Variants in CNOT6 observed in about 807,000 individuals in gnomAD.
The protein encoded by CNOT6 is CCR4-NOT transcription complex subunit 6, also known as carbon catabolite repression 4 protein.
In CNOT6, 12 loss-of-function variants were observed where a neutral mutation model predicts 61.2. The observed-to-expected ratio is 0.20, with a 90% CI of 0.13 to 0.32. The LOEUF (loss-of-function observed/expected upper bound fraction) is 0.32, where lower values mean the gene tolerates loss of function less well. Among genes scored for constraint, CNOT6 ranks in the 10% least tolerant of loss-of-function variants. The pLI is 1.00. For missense variants in CNOT6, 405 were observed against 663.9 expected (o/e 0.61, Z 4.28); for synonymous variants, 225 against 240.6 (o/e 0.94, Z 0.60).
intron 1 of CNOT6, among the ~76,000 whole-genome samples, chr5:180,519,778 T>TA (rs35164890): frequency 6.7e-6 from 1 of 148,610 alleles, no homozygotes; most frequent in African/African-American, 2.5e-5. Context: ...TTTTTTTTTT[T>TA]ATTGTTCAGT....
chr5:180,550,137 T>TAA lies in CNOT6; in HGVS notation c.299+21_299+22insAA. ...ACTCAGGTATGCAGATTCAACTTAATACATACTAGCTATATGACCCCTAAA... is the reference window on the plus strand; with the variant it reads ...ACTCAGGTATGCAGATTCAACTTAATAAACATACTAGCTATATGACCCCTAAA... On this transcript the variant is annotated intron_variant, in intron 3 of 11. Coordinates refer to ENST00000261951, the MANE Select transcript of CNOT6 (RefSeq NM_001370472.1). The TAA allele has an allele frequency of 1.2e-6, 2 of 1,602,522 alleles. No individual in the cohort carries two copies. The highest frequency in any genetic ancestry group is 2.2e-5 in the South Asian group (2 of 90,790).
At chr5:180,551,037 T>A (rs1759570141) in intron 3 of CNOT6, among the ~76,000 whole-genome samples, 1 of 152,122 alleles carries the variant, frequency 6.6e-6, no homozygotes, top group African/African-American at 2.4e-5. Flanking sequence ...TGGCATATAC[T>A]GTGTTTTAAG....
intron 1 of CNOT6, among the ~76,000 whole-genome samples, chr5:180,503,585 C>CACT (rs1238732800): frequency 7.0e-6 from 1 of 142,224 alleles, no homozygotes; most frequent in African/African-American, 2.6e-5. Flanking sequence ...TTCTTACTGA[C>CACT]ACTGTGCCCT....
intron 4 of CNOT6, among the ~76,000 whole-genome samples, chr5:180,560,964 A>G (rs3055669): frequency 7.2e-5 from 11 of 151,916 alleles, no homozygotes; most frequent in Admixed American, 1.3e-4. Flanking sequence ...CTATCTATCA[A>G]TCAATCAGTC....
At chr5:180,552,645 C>CAAA (rs372136116) in intron 3 of CNOT6, among the ~76,000 whole-genome samples, 12 of 134,654 alleles carry the variant, frequency 8.9e-5, no homozygotes, top group East Asian at 2.3e-4. Context: ...GACTCCGTCT[C>CAAA]AAAAAAAAAA....
intron 2 of CNOT6, among the ~76,000 whole-genome samples, chr5:180,536,674 C>T (rs1758716139): frequency 6.6e-6 from 1 of 152,094 alleles, no homozygotes; most frequent in Admixed American, 6.6e-5. Flanking sequence ...GCAGTGATGC[C>T]ATCTCGGCTC....
intron 1 of CNOT6, among the ~76,000 whole-genome samples, chr5:180,496,745 C>T (rs1428616956): frequency 2.0e-5 from 3 of 152,102 alleles, no homozygotes; most frequent in South Asian, 2.1e-4. Context: ...AAAACGGTGA[C>T]GAAAGACAGA....
chr5:180,571,483 G>T, intron 11 of CNOT6, 51 bp downstream of exon 11: 1 of 1,269,168 alleles, frequency 7.9e-7, no homozygotes, highest in Non-Finnish European at 1.1e-6. Flanking sequence ...ACTGGCAGGT[G>T]TTCTGATACA....
chr5:180,494,804 C>G (rs1306827251), intron 1 of CNOT6, 41 bp downstream of exon 1: 1 of 151,974 alleles, frequency 6.6e-6, no homozygotes, highest in Non-Finnish European at 1.5e-5. Flanking sequence ...GGCGCCGCTC[C>G]TCTCTCCGGC....
chr5:180,532,078 G>A (rs1472124268), intron 2 of CNOT6, among the ~76,000 whole-genome samples: 1 of 152,188 alleles, frequency 6.6e-6, no homozygotes, highest in Non-Finnish European at 1.5e-5. Flanking sequence ...CATGGAGAGT[G>A]AAATTTCTCT....
intron 1 of CNOT6, among the ~76,000 whole-genome samples, chr5:180,496,948 C>G (rs1195452013): frequency 6.6e-6 from 1 of 152,166 alleles, no homozygotes. Flanking sequence ...TTTGAGCAGA[C>G]ATAAGGTTGG....
chr5:180,501,140 C>G (rs975691885), intron 1 of CNOT6, among the ~76,000 whole-genome samples: 3 of 152,008 alleles, frequency 2.0e-5, no homozygotes, highest in Non-Finnish European at 4.4e-5. Flanking sequence ...TATGGGTGAG[C>G]AAGTGGTTCA....
chr5:180,552,451 C>T (rs937054691), intron 3 of CNOT6, among the ~76,000 whole-genome samples: 118 of 151,680 alleles, frequency 7.8e-4, no homozygotes, highest in African/African-American at 2.8e-3. Context: ...ACCATCCTGG[C>T]TAACACGGTG....
intron 9 of CNOT6, 95 bp downstream of exon 9, chr5:180,568,098 T>C: frequency 7.9e-7 from 1 of 1,260,906 alleles, no homozygotes; most frequent in Non-Finnish European, 1.1e-6. Context: ...TTCATGGTCT[T>C]GTCTAACACC....
intron 3 of CNOT6, 75 bp downstream of exon 3, chr5:180,550,192 T>C: frequency 2.5e-6 from 3 of 1,178,454 alleles, no homozygotes; most frequent in South Asian, 1.4e-5. Context: ...CAGTGGCTTA[T>C]GCCTGTAATT....
At chr5:180,509,737 G>A (rs76820754) in intron 1 of CNOT6, among the ~76,000 whole-genome samples, 10,199 of 151,396 alleles carry the variant, frequency 0.067, 480 homozygotes, top group Non-Finnish European at 0.1. Context: ...TTTACGTAGA[G>A]ACAGGATCTC....
At chr5:180,563,381 T>G (rs904022294) in intron 4 of CNOT6, among the ~76,000 whole-genome samples, 7 of 78,798 alleles carry the variant, frequency 8.9e-5, no homozygotes, top group African/African-American at 2.5e-4. Flanking sequence ...CGCCTGGCTG[T>G]TTTTTTTTGT....
intron 2 of CNOT6, among the ~76,000 whole-genome samples, chr5:180,544,047 G>A (rs902541319): frequency 3.9e-5 from 6 of 152,200 alleles, no homozygotes; most frequent in African/African-American, 9.6e-5. Flanking sequence ...TCCTGACCTC[G>A]TGATCCACCC....
At position 180,569,009 on chromosome 5, in the gene CNOT6, T is replaced by G. The variant is rs182837650; in HGVS notation, c.1028-101T>G. ...TGGGAATTTTAGGTGTCTTTTCTAT[T>G]CTGGGACTCTGAGAGATTATTTGCT... On this transcript the variant is annotated intron_variant, in intron 9 of 11. Transcript: ENST00000261951. The G allele has an allele frequency of 2.5e-5, 21 of 838,512 alleles. No individual in the cohort carries two copies. The Admixed American group carries it at 4.9e-4, about 20-fold the overall frequency. The allele number at this position is 838,512 out of a possible 1,614,324, so 51.9% of individuals were successfully genotyped here. A position where few individuals can be genotyped will look rare whatever the true frequency, so the allele number is the denominator to read the frequency against.
Sources: allele counts gnomAD v4.1 joint callset (sites outside exome capture counted in the v4.1 genomes callset), GRCh38; gene constraint gnomAD v4.1.1; transcripts MANE v1.5; gene names NCBI Gene and HGNC (gene_info 2026-07-23, HGNC 2026-07-21).